The following R3HDM2 variants were observed in gnomAD, a reference collection of about 807,000 sequenced individuals.
The protein encoded by R3HDM2 is R3H domain containing 2.
R3HDM2 carries 38 observed loss-of-function variants against 124.5 expected under a neutral mutation model. The observed-to-expected ratio is 0.31, with a 90% confidence interval of 0.24 to 0.40. The LOEUF is 0.40. Ranked by LOEUF, R3HDM2 falls within the 10% of genes least tolerant of loss-of-function variation. R3HDM2 has a pLI of 1.00. For missense variants in R3HDM2, 869 were observed against 1,236.9 expected, an observed-to-expected ratio of 0.70 and a Z score of 4.46; for synonymous variants, 391 against 448.0, an observed-to-expected ratio of 0.87 and a Z score of 1.61.
At chr12:57,292,722 C>A in intron 10 of R3HDM2, 55 bp from the exon 11 acceptor site, 2 of 1,112,642 alleles carry the variant, frequency 1.8e-6, no homozygotes, top group Non-Finnish European at 2.6e-6. Context: ...TGCAAGCTCA[C>A]TGCACACCAG....
At position 57,266,867 on chromosome 12, in the gene R3HDM2, T is replaced by C. The variant is rs765970961; in HGVS notation, c.2031-36A>G. ...AGAGAAGAGAGGAGTGGTGAAGCAG[T>C]AGAGGGATGAACACAGCTCCTGGCA... is the stretch of plus-strand genomic sequence containing the variant. On this transcript the variant is annotated intron_variant, in intron 18 of 23. Transcript: ENST00000402412. The C allele has an allele frequency of 9.8e-6, 14 of 1,432,446 alleles. No homozygotes were observed. The Admixed American group carries it at 2.4e-4, about 24-fold the overall frequency. 88.7% of individuals were successfully genotyped at this position (1,432,446 alleles called of 1,614,324 possible).
At chr12:57,428,897 C>A (rs756206802) in intron 1 of R3HDM2, among the ~76,000 whole-genome samples, 11 of 152,056 alleles carry the variant, frequency 7.2e-5, no homozygotes, top group Non-Finnish European at 1.2e-4. Flanking sequence ...CAGGTGCCTG[C>A]CACCACGCCT....
At chr12:57,373,110 G>A (rs1288646460) in intron 2 of R3HDM2, among the ~76,000 whole-genome samples, 2 of 152,212 alleles carry the variant, frequency 1.3e-5, no homozygotes, top group Non-Finnish European at 2.9e-5. Context: ...GATGAGGTGA[G>A]AGAATCACTT....
chr12:57,382,911 C>A (rs915625485), intron 2 of R3HDM2, among the ~76,000 whole-genome samples: 1 of 151,954 alleles, frequency 6.6e-6, no homozygotes, highest in Non-Finnish European at 1.5e-5. Flanking sequence ...GCTCTTGTTG[C>A]CCAGTCTGGA....
At chr12:57,396,440 C>G (rs557280849) in intron 1 of R3HDM2, among the ~76,000 whole-genome samples, 25 of 149,104 alleles carry the variant, frequency 1.7e-4, no homozygotes, top group Admixed American at 1.4e-3. Context: ...GACTCCGTCT[C>G]AAAAAAATAA....
chr12:57,313,821 C>A (rs1266704786), intron 2 of R3HDM2, among the ~76,000 whole-genome samples: 4 of 135,438 alleles, frequency 3.0e-5, no homozygotes, highest in Non-Finnish European at 6.1e-5. Context: ...TTCAAGGCTG[C>A]AGTGGGCTAC....
At chr12:57,397,979 C>T (rs1039375929) in intron 1 of R3HDM2, among the ~76,000 whole-genome samples, 3 of 152,048 alleles carry the variant, frequency 2.0e-5, no homozygotes, top group African/African-American at 4.8e-5. Flanking sequence ...CTCAGGAGTT[C>T]GAGACCAGCC....
At chr12:57,390,159 T>C (rs2066440253) in intron 2 of R3HDM2, among the ~76,000 whole-genome samples, 1 of 145,772 alleles carries the variant, frequency 6.9e-6, no homozygotes, top group African/African-American at 2.5e-5. Flanking sequence ...GAATACCTTC[T>C]AGGAGAAATA....
At chr12:57,291,705 A>T (rs1012507276) in intron 11 of R3HDM2, among the ~76,000 whole-genome samples, 3 of 151,808 alleles carry the variant, frequency 2.0e-5, no homozygotes, top group Non-Finnish European at 4.4e-5. Flanking sequence ...AACCCTGACC[A>T]TCTTTTGACA....
At chr12:57,302,308 G>A (rs1246758786) in intron 4 of R3HDM2, among the ~76,000 whole-genome samples, 1 of 152,016 alleles carries the variant, frequency 6.6e-6, no homozygotes, top group Admixed American at 6.6e-5. Flanking sequence ...AAATGGCCAG[G>A]CATGGTGGCT....
chr12:57,310,059 A>G (rs1014944864), intron 3 of R3HDM2, among the ~76,000 whole-genome samples: 10 of 152,138 alleles, frequency 6.6e-5, no homozygotes, highest in Non-Finnish European at 1.5e-4. Flanking sequence ...AAATTTTTTT[A>G]TATTAGCTGG....
chr12:57,354,424 C>G (rs910443277), intron 2 of R3HDM2, among the ~76,000 whole-genome samples: 4 of 151,862 alleles, frequency 2.6e-5, no homozygotes, highest in Admixed American at 1.3e-4. Flanking sequence ...TCCAGAGTAG[C>G]TGGAACCACA....
intron 1 of R3HDM2, among the ~76,000 whole-genome samples, chr12:57,418,629 G>C (rs909187004): frequency 5.3e-5 from 8 of 150,778 alleles, no homozygotes; most frequent in African/African-American, 2.0e-4. Flanking sequence ...TGCGATCTCA[G>C]CTCACCGCAA....
chr12:57,407,301 A>G (rs183665843), intron 1 of R3HDM2, among the ~76,000 whole-genome samples: 12 of 152,222 alleles, frequency 7.9e-5, no homozygotes, highest in Admixed American at 7.9e-4. Flanking sequence ...GACCAACTAT[A>G]ACAGACTTTA....
rs190672927 is a variant in R3HDM2 at position 57,415,043 on chromosome 12, C to A, written c.-106+15677G>T. ...GATGTCAAAAGGACAAAGCAGCCAG[C>A]TTGAAGGAGCTCCCTCAAGCCCCTT... On this transcript the variant is annotated intron_variant, in intron 1 of 23. Coordinates refer to ENST00000402412, the MANE Select transcript of R3HDM2 (RefSeq NM_001394031.1). 2.4e-3 allele frequency among the ~76,000 whole-genome samples: 367 copies of A among 152,168 alleles called. 3 individuals are homozygous for A. Among genetic ancestry groups the A allele is most frequent in the Non-Finnish European group, 4.1e-3 (282 of 67,996 alleles).
intron 1 of R3HDM2, among the ~76,000 whole-genome samples, chr12:57,415,631 G>C (rs142064576): frequency 6.7e-6 from 1 of 149,480 alleles, no homozygotes; most frequent in East Asian, 1.9e-4. Flanking sequence ...AAATCTAGCA[G>C]ATATCAATTT....
chr12:57,390,000 C>G (rs1454068575), intron 2 of R3HDM2, among the ~76,000 whole-genome samples: 2 of 152,074 alleles, frequency 1.3e-5, no homozygotes, highest in African/African-American at 4.8e-5. Flanking sequence ...TGTCTGAGCT[C>G]TATTTGGCTG....
chr12:57,428,491 ATGGTGGGGGGTG>A (rs755719520), intron 1 of R3HDM2, among the ~76,000 whole-genome samples: 907 of 36,856 alleles, frequency 0.025, 7 homozygotes, highest in Non-Finnish European at 0.038. Flanking sequence ...TTAGCCGGGT[ATGGTGGGGGGTG>A]TGGTGGGGGG....
At chr12:57,411,928 C>T (rs537552184) in intron 1 of R3HDM2, among the ~76,000 whole-genome samples, 173 of 152,242 alleles carry the variant, frequency 1.1e-3, no homozygotes, top group African/African-American at 4.1e-3. Context: ...TGATAGTCAG[C>T]GAGTTCTCAC....
Sources: gnomAD v4.1 joint callset for allele counts (sites outside exome capture counted in the v4.1 genomes callset) on GRCh38, gnomAD v4.1.1 for gene constraint, MANE v1.5 for transcripts, NCBI Gene and HGNC (gene_info 2026-07-23, HGNC 2026-07-21) for gene names.